Variants in ASCC3 observed in about 807,000 individuals in gnomAD.
ASCC3 encodes ASC-1 complex subunit P200.
ASCC3 carries 158 observed loss-of-function variants against 256.3 expected under a neutral mutation model. That is an observed-to-expected ratio of 0.62 (90% CI 0.54 to 0.70). ASCC3 has a LOEUF of 0.70. Among genes scored for constraint, ASCC3 ranks in the 30% least tolerant of loss-of-function variants. The probability of loss-of-function intolerance (pLI) is 0.00; values close to 1 mark genes in which losing one functional copy is unlikely to be tolerated. For missense variants in ASCC3, 2,259 were observed against 2,626.0 expected (o/e 0.86, Z 3.05); for synonymous variants, 948 against 883.4 (o/e 1.07, Z -1.30).
At chr6:100,631,091 T>A in intron 26 of ASCC3, 37 bp downstream of exon 26, 3 of 1,453,398 alleles carry the variant, frequency 2.1e-6, no homozygotes, top group Non-Finnish European at 2.9e-6. Context: ...TTTTAGTCAA[T>A]TCAAAGCGTA....
chr6:100,513,488 A>T (rs1205859626), intron 39 of ASCC3, among the ~76,000 whole-genome samples: 1 of 152,170 alleles, frequency 6.6e-6, no homozygotes. Flanking sequence ...TATTTTTGTA[A>T]TTCAATTATT....
chr6:100,752,679 A>G (rs1780992579), intron 10 of ASCC3, among the ~76,000 whole-genome samples: 2 of 152,148 alleles, frequency 1.3e-5, no homozygotes, highest in African/African-American at 2.4e-5. Flanking sequence ...GCTAAATTCT[A>G]TTTTCATGAG....
chr6:100,662,811 A>G (rs1335986943), intron 14 of ASCC3, among the ~76,000 whole-genome samples: 3 of 152,050 alleles, frequency 2.0e-5, no homozygotes, highest in South Asian at 2.1e-4. Context: ...TTTGCAATCA[A>G]TCAGTATTAC....
intron 30 of ASCC3, among the ~76,000 whole-genome samples, chr6:100,611,570 C>T (rs1272663499): frequency 1.3e-5 from 2 of 151,926 alleles, no homozygotes; most frequent in African/African-American, 4.8e-5. Context: ...AAGATTATCA[C>T]ATTTAATCCT....
chr6:100,608,632 TTA>T (rs1390548062), intron 30 of ASCC3, among the ~76,000 whole-genome samples: 1 of 3,258 alleles, frequency 3.1e-4, no homozygotes, highest in African/African-American at 1.5e-3. Flanking sequence ...TATATATATT[TTA>T]TATATATATA....
intron 8 of ASCC3, among the ~76,000 whole-genome samples, 200 bp from the exon 9 acceptor site, chr6:100,767,545 T>C (rs1293899728): frequency 2.6e-5 from 4 of 152,194 alleles, no homozygotes; most frequent in Non-Finnish European, 4.4e-5. Context: ...ATACTTGAAA[T>C]GGCAACTCGA....
intron 36 of ASCC3, among the ~76,000 whole-genome samples, chr6:100,571,567 T>C (rs1490643304): frequency 6.6e-6 from 1 of 152,232 alleles, no homozygotes; most frequent in Non-Finnish European, 1.5e-5. Flanking sequence ...AAATAATAGC[T>C]AACATTTACT....
intron 34 of ASCC3, among the ~76,000 whole-genome samples, chr6:100,595,071 G>C (rs868834892): frequency 3.2e-4 from 49 of 152,084 alleles, no homozygotes; most frequent in African/African-American, 1.1e-3. Flanking sequence ...TGCAAGCAAA[G>C]GGGGAATTGG....
intron 36 of ASCC3, among the ~76,000 whole-genome samples, chr6:100,576,245 A>G (rs1052447990): frequency 1.3e-5 from 2 of 151,968 alleles, no homozygotes; most frequent in African/African-American, 4.8e-5. Context: ...AACACCTAAC[A>G]TTTTCCAAAA....
chr6:100,875,051 T>C (rs2114572192), intron 1 of ASCC3, among the ~76,000 whole-genome samples: 1 of 152,280 alleles, frequency 6.6e-6, no homozygotes, highest in South Asian at 2.1e-4. Flanking sequence ...ACTAACATGT[T>C]ACAGAAAAAT....
intron 4 of ASCC3, among the ~76,000 whole-genome samples, chr6:100,806,093 C>T (rs1002744522): frequency 6.6e-6 from 1 of 151,960 alleles, no homozygotes; most frequent in African/African-American, 2.4e-5. Flanking sequence ...AATTAAAAAA[C>T]ATTATTCAAT....
At chr6:100,688,135 C>T (rs931658908) in intron 13 of ASCC3, among the ~76,000 whole-genome samples, 1 of 151,716 alleles carries the variant, frequency 6.6e-6, no homozygotes, top group Non-Finnish European at 1.5e-5. Flanking sequence ...GAATACATAT[C>T]ACATGGTCAA....
At chr6:100,517,732 C>T (rs1774103516) in intron 38 of ASCC3, among the ~76,000 whole-genome samples, 2 of 152,102 alleles carry the variant, frequency 1.3e-5, no homozygotes, top group Admixed American at 1.3e-4. Context: ...AACACATTAA[C>T]ATAAAAATGT....
intron 10 of ASCC3, among the ~76,000 whole-genome samples, chr6:100,761,781 T>C (rs2115118056): frequency 6.6e-6 from 1 of 152,224 alleles, no homozygotes; most frequent in South Asian, 2.1e-4. Context: ...TAGCTTGAAA[T>C]TTAAAGCGAA....
chr6:100,547,487 G>A (rs904545340), intron 36 of ASCC3, among the ~76,000 whole-genome samples: 1 of 151,904 alleles, frequency 6.6e-6, no homozygotes, highest in Non-Finnish European at 1.5e-5. Flanking sequence ...AATATATAAG[G>A]TTCTCTCAAA....
intron 30 of ASCC3, among the ~76,000 whole-genome samples, chr6:100,620,821 C>G (rs1014114611): frequency 6.6e-6 from 1 of 152,086 alleles, no homozygotes; most frequent in African/African-American, 2.4e-5. Context: ...CAGAATATTA[C>G]GGAAAGTAAC....
At chr6:100,842,272 A>C (rs937108265) in intron 4 of ASCC3, among the ~76,000 whole-genome samples, 2 of 152,308 alleles carry the variant, frequency 1.3e-5, no homozygotes, top group Admixed American at 6.5e-5. Context: ...TACAAAAAAA[A>C]CTACTACAAC....
chr6:100,540,731 G>A (rs777442479), intron 36 of ASCC3, among the ~76,000 whole-genome samples: 5 of 152,236 alleles, frequency 3.3e-5, no homozygotes, highest in South Asian at 2.1e-4. Context: ...TAAATGTTAC[G>A]ATATGGTAAA....
intron 19 of ASCC3, 49 bp downstream of exon 19, chr6:100,651,511 G>A: frequency 9.7e-7 from 1 of 1,031,178 alleles, no homozygotes; most frequent in Non-Finnish European, 1.4e-6. Context: ...ATAAATGAAT[G>A]AATGCATACA....
Sources: gnomAD v4.1 joint callset for allele counts (sites outside exome capture counted in the v4.1 genomes callset) on GRCh38, gnomAD v4.1.1 for gene constraint, MANE v1.5 for transcripts, NCBI Gene and HGNC (gene_info 2026-07-23, HGNC 2026-07-21) for gene names.